TMEM272: variants seen among roughly 807,000 people sequenced by gnomAD.
TMEM272 encodes long intergenic non-protein coding RNA 282.
TMEM272 carries 8 observed loss-of-function variants against 3.7 expected under a neutral mutation model. The ratio of observed to expected loss-of-function variants is 2.17; its 90% confidence interval spans 1.27 to 3.91. TMEM272 has a LOEUF of 3.91. Among genes scored for constraint, TMEM272 ranks in the 30% most tolerant of loss-of-function variants. The pLI is 0.00. For synonymous variants in TMEM272, 63 were observed against 39.8 expected (o/e 1.58, Z -2.20); for missense variants, 166 against 91.5 (o/e 1.81, Z -3.32).
chr13:51,891,196 A>G, the TMEM272 span, among the ~76,000 whole-genome samples: 3 of 152,208 alleles, frequency 2.0e-5, no homozygotes, highest in Admixed American at 2.0e-4. Flanking sequence ...AGGTTCCTTC[A>G]TTCCCTTTCT....
At chr13:51,921,706 T>G in the TMEM272 span, 1 of 152,270 alleles carries the variant, frequency 6.6e-6, no homozygotes, top group Non-Finnish European at 1.5e-5. Flanking sequence ...TAACGCAGCA[T>G]AAGGGGATAA....
At chr13:51,857,933 C>T in the TMEM272 span, among the ~76,000 whole-genome samples, 10 of 152,014 alleles carry the variant, frequency 6.6e-5, no homozygotes, top group Non-Finnish European at 5.9e-5. Context: ...ATACACCATG[C>T]AAACACTAAT....
intron 2 of TMEM272, among the ~76,000 whole-genome samples, chr13:51,833,069 G>A (rs1484410442): frequency 6.6e-6 from 1 of 152,142 alleles, no homozygotes; most frequent in Non-Finnish European, 1.5e-5. Context: ...GGTGTTGATG[G>A]ATGGGTAGGA....
the TMEM272 span, among the ~76,000 whole-genome samples, chr13:51,870,173 A>T: frequency 6.6e-6 from 1 of 152,200 alleles, no homozygotes; most frequent in African/African-American, 2.4e-5. Context: ...GGGGTCATGA[A>T]GGAGGGGATC....
At position 51,816,472 on chromosome 13, in the gene TMEM272, A is replaced by T; in HGVS notation, c.*279T>A. ...CCTCCCACACTTCATACCCTCAAAAACAATTATCCCTTTGAAAACTCTTGT... is the reference window on the plus strand; with the variant it reads ...CCTCCCACACTTCATACCCTCAAAATCAATTATCCCTTTGAAAACTCTTGT... On this transcript the variant is annotated 3_prime_UTR_variant, in exon 5 of 5. Coordinates refer to ENST00000629372, the MANE Select transcript of TMEM272 (RefSeq NM_001351003.2). The T allele has an allele frequency of 3.0e-6, 1 of 330,778 alleles. No homozygotes were observed. The highest frequency in any genetic ancestry group is 5.6e-6 in the Non-Finnish European group (1 of 178,684). The allele number at this position is 330,778 out of a possible 1,614,324, so 20.5% of individuals were successfully genotyped here. A position where few individuals can be genotyped will look rare whatever the true frequency, so the allele number is the denominator to read the frequency against.
At chr13:51,866,776 T>C in the TMEM272 span, among the ~76,000 whole-genome samples, 1 of 152,200 alleles carries the variant, frequency 6.6e-6, no homozygotes, top group African/African-American at 2.4e-5. Context: ...GGGAGTCAAG[T>C]TGACCCATGG....
At chr13:51,887,638 T>C in the TMEM272 span, among the ~76,000 whole-genome samples, 2 of 152,224 alleles carry the variant, frequency 1.3e-5, no homozygotes, top group Non-Finnish European at 2.9e-5. Context: ...TGCATATCCT[T>C]ATGTGGCTCA....
intron 4 of TMEM272, among the ~76,000 whole-genome samples, chr13:51,817,633 C>T (rs1010728508): frequency 3.3e-5 from 5 of 152,008 alleles, no homozygotes; most frequent in African/African-American, 1.2e-4. Context: ...TTCCTCCCCA[C>T]CCCAGCCCCG....
intron 2 of TMEM272, among the ~76,000 whole-genome samples, chr13:51,834,840 C>T (rs1310059006): frequency 6.6e-6 from 1 of 152,170 alleles, no homozygotes; most frequent in African/African-American, 2.4e-5. Flanking sequence ...GGGCTAGAGC[C>T]CTGCACACGC....
chr13:51,826,934 G>A (rs181178985), intron 2 of TMEM272, among the ~76,000 whole-genome samples: 13 of 152,310 alleles, frequency 8.5e-5, no homozygotes, highest in East Asian at 3.9e-4. Context: ...CACTGTGCCC[G>A]TGCCAGGATG....
At chr13:51,830,493 G>A (rs908377396) in intron 2 of TMEM272, among the ~76,000 whole-genome samples, 10 of 152,198 alleles carry the variant, frequency 6.6e-5, no homozygotes, top group African/African-American at 1.2e-4. Context: ...ACATGGGCAC[G>A]ATTACAAGAC....
the TMEM272 span, chr13:51,909,824 A>G: frequency 1.3e-6 from 2 of 1,588,686 alleles, no homozygotes; most frequent in South Asian, 1.1e-5. Flanking sequence ...GTTCAGTCAG[A>G]GTCTCGATGT....
upstream of TMEM272, among the ~76,000 whole-genome samples, chr13:51,846,809 TA>T (rs1382932678): frequency 2.6e-5 from 4 of 152,066 alleles, no homozygotes; most frequent in Non-Finnish European, 5.9e-5. Flanking sequence ...GAGTCAAAAT[TA>T]AAAAAAATTA....
chr13:51,913,955 C>A, the TMEM272 span, among the ~76,000 whole-genome samples: 4 of 152,242 alleles, frequency 2.6e-5, no homozygotes, highest in Non-Finnish European at 5.9e-5. Context: ...TGCTGCACAG[C>A]TGCAAACATG....
the TMEM272 span, among the ~76,000 whole-genome samples, chr13:51,900,534 C>T: frequency 3.0e-4 from 46 of 152,296 alleles, no homozygotes; most frequent in Middle Eastern, 3.4e-3. Context: ...AAAAAAGATG[C>T]AGCCCATGTG....
At chr13:51,909,765 G>A in the TMEM272 span, 23 of 1,566,808 alleles carry the variant, frequency 1.5e-5, no homozygotes, top group South Asian at 1.4e-4. Context: ...ACCATCATCC[G>A]TTATGTCTTC....
At chr13:51,885,309 A>G in the TMEM272 span, among the ~76,000 whole-genome samples, 7 of 152,338 alleles carry the variant, frequency 4.6e-5, no homozygotes, top group South Asian at 2.1e-4. Context: ...TTATAAATAA[A>G]AGAGGTTTAA....
At chr13:51,854,175 T>C in the TMEM272 span, among the ~76,000 whole-genome samples, 2 of 152,218 alleles carry the variant, frequency 1.3e-5, no homozygotes, top group African/African-American at 4.8e-5. Flanking sequence ...AAGTGATTTA[T>C]TTTCTGTACT....
the TMEM272 span, among the ~76,000 whole-genome samples, chr13:51,897,403 G>T: frequency 9.3e-6 from 1 of 107,470 alleles, no homozygotes. Flanking sequence ...TTGTAGAGAT[G>T]GAGTCTCATT....
Sources: allele counts gnomAD v4.1 joint callset (sites outside exome capture counted in the v4.1 genomes callset), GRCh38; gene constraint gnomAD v4.1.1; transcripts MANE v1.5; gene names NCBI Gene and HGNC (gene_info 2026-07-23, HGNC 2026-07-21).